Variants in CADM2 observed in about 807,000 individuals in gnomAD.
The protein encoded by CADM2 is cell adhesion molecule 2.
CADM2 carries 12 observed loss-of-function variants against 49.8 expected under a neutral mutation model. That is an observed-to-expected ratio of 0.24 (90% CI 0.15 to 0.39). The LOEUF (loss-of-function observed/expected upper bound fraction) is 0.39, where lower values mean the gene tolerates loss of function less well. CADM2 is among the 10% of genes least tolerant of loss of function. The probability of loss-of-function intolerance (pLI) is 1.00; values close to 1 mark genes in which losing one functional copy is unlikely to be tolerated. For missense variants in CADM2, 378 were observed against 492.3 expected (o/e 0.77, Z 2.20); for synonymous variants, 214 against 175.4 (o/e 1.22, Z -1.74).
At chr3:85,177,798 G>A (rs2040823844) in intron 1 of CADM2, among the ~76,000 whole-genome samples, 1 of 151,794 alleles carries the variant, frequency 6.6e-6, no homozygotes, top group Non-Finnish European at 1.5e-5. Context: ...AGTGTATCAT[G>A]CCATATCTTC....
intron 3 of CADM2, among the ~76,000 whole-genome samples, chr3:85,825,570 A>G (rs1403006669): frequency 6.6e-6 from 1 of 152,066 alleles, no homozygotes; most frequent in African/African-American, 2.4e-5. Flanking sequence ...TGTAGCCCAT[A>G]TAGAGTGCAG....
At chr3:85,196,892 G>A (rs1376340950) in intron 1 of CADM2, among the ~76,000 whole-genome samples, 1 of 151,924 alleles carries the variant, frequency 6.6e-6, no homozygotes, top group African/African-American at 2.4e-5. Context: ...TTCCCTGGTA[G>A]AAATCAGTTA....
At chr3:85,795,183 A>T (rs557672557) in intron 2 of CADM2, among the ~76,000 whole-genome samples, 28 of 152,206 alleles carry the variant, frequency 1.8e-4, no homozygotes, top group Middle Eastern at 3.4e-3. Flanking sequence ...GTAGCATACT[A>T]ATTTTGCTAA....
At chr3:85,490,045 C>G (rs1009508604) in intron 1 of CADM2, among the ~76,000 whole-genome samples, 2 of 130,326 alleles carry the variant, frequency 1.5e-5, no homozygotes, top group African/African-American at 3.0e-5. Context: ...ATTAGAAATG[C>G]CTTCAATTAT....
chr3:85,909,004 G>A (rs1172542735), intron 5 of CADM2, among the ~76,000 whole-genome samples: 1 of 152,090 alleles, frequency 6.6e-6, no homozygotes, highest in Admixed American at 6.5e-5. Flanking sequence ...GATTACAGGC[G>A]TGAGCCACCA....
chr3:85,602,953 G>T (rs1553748720), intron 1 of CADM2, among the ~76,000 whole-genome samples: 1 of 151,390 alleles, frequency 6.6e-6, no homozygotes, highest in Admixed American at 6.6e-5. Flanking sequence ...TGCTTTTTTG[G>T]TGGTTTTTCT....
intron 1 of CADM2, among the ~76,000 whole-genome samples, chr3:85,354,619 A>AGAGAGAGAGAGAGAGG (rs2031691703): frequency 3.9e-4 from 3 of 7,774 alleles, no homozygotes; most frequent in Admixed American, 4.0e-3. Flanking sequence ...AATACCTAAC[A>AGAGAGAGAGAGAGAGG]GAGAGAGAGA....
At chr3:85,432,975 A>C (rs2036752400) in intron 1 of CADM2, among the ~76,000 whole-genome samples, 1 of 152,108 alleles carries the variant, frequency 6.6e-6, no homozygotes, top group Admixed American at 6.6e-5. Flanking sequence ...TTTGAGAAAA[A>C]AAATACAACA....
chr3:86,070,198 A>G lies in CADM2; in HGVS notation c.*3415A>G, dbSNP rs1739734284. 1 of 151,970 alleles carries G rather than the reference A, an allele frequency of 6.6e-6. No individual in the cohort carries two copies. The highest frequency in any genetic ancestry group is 2.4e-5 in the African/African-American group (1 of 41,446). 9.4% of individuals were successfully genotyped at this position (151,970 alleles called of 1,614,324 possible). On this transcript the variant is annotated 3_prime_UTR_variant, in exon 10 of 10. Coordinates refer to ENST00000383699, the MANE Select transcript of CADM2 (RefSeq NM_001167675.2). ...AAAACTAACTTTCCTAAATATGGCA[A>G]AGAAACTAACACCTCATTTATTTTT...
chr3:85,293,378 A>G (rs2043859317), intron 1 of CADM2, among the ~76,000 whole-genome samples: 2 of 149,954 alleles, frequency 1.3e-5, no homozygotes, highest in South Asian at 2.1e-4. Context: ...AACTGGTACC[A>G]TTCCTTCTGA....
chr3:85,137,354 G>A (rs761039763), intron 1 of CADM2, among the ~76,000 whole-genome samples: 3 of 151,714 alleles, frequency 2.0e-5, no homozygotes, highest in African/African-American at 7.3e-5. Flanking sequence ...TATTTTTGCA[G>A]GTCCGTGGTG....
At chr3:85,864,778 A>G (rs536895260) in intron 3 of CADM2, among the ~76,000 whole-genome samples, 2 of 152,312 alleles carry the variant, frequency 1.3e-5, no homozygotes, top group East Asian at 1.9e-4. Flanking sequence ...TCTTAAACAC[A>G]CTTTAGATTA....
rs61755733 is a variant in CADM2 at position 85,802,195 on chromosome 3, A to G, written c.237A>G (p.Lys79=). 610 of 1,604,318 alleles carry G rather than the reference A, an allele frequency of 3.8e-4. No homozygotes were observed. The highest frequency in any genetic ancestry group is 4.5e-4 in the Non-Finnish European group (533 of 1,175,974). ...AGACTCTGTACTTTGACGACAAGAAAGGTGAATACATTTTCTTTCAAATGT... is the reference window on the plus strand; with the variant it reads ...AGACTCTGTACTTTGACGACAAGAAGGGTGAATACATTTTCTTTCAAATGT... ...AQQTLYFDDK[K]ALRDNRIELV... The change falls in exon 3 of 10, where the codon AAA becomes AAG. Residue 79 remains lysine, a splice_region_variant and synonymous_variant. Coordinates refer to ENST00000383699, the MANE Select transcript of CADM2 (RefSeq NM_001167675.2).
At chr3:85,305,041 C>A (rs1299570799) in intron 1 of CADM2, among the ~76,000 whole-genome samples, 2 of 151,488 alleles carry the variant, frequency 1.3e-5, no homozygotes, top group Non-Finnish European at 3.0e-5. Context: ...ATTTTTACAT[C>A]CATTATTTAT....
rs556052933 is a variant in CADM2, at chr3:85,364,975, T to C, written c.62-361547T>C. ...AGCATTGGAAAATGGCACGATGTTATTTTTCACATCCTAATGCAAACATGG... is the reference window on the plus strand; with the variant it reads ...AGCATTGGAAAATGGCACGATGTTACTTTTCACATCCTAATGCAAACATGG... On this transcript the variant is annotated intron_variant, in intron 1 of 9. Coordinates refer to ENST00000383699, the MANE Select transcript of CADM2 (RefSeq NM_001167675.2). 5.9e-5 allele frequency among the ~76,000 whole-genome samples: 9 copies of C among 152,310 alleles called. No homozygotes were observed. In the South Asian group the frequency reaches 1.9e-3, roughly 32 times the overall value.
At chr3:85,363,874 G>T (rs1463817831) in intron 1 of CADM2, among the ~76,000 whole-genome samples, 1 of 151,374 alleles carries the variant, frequency 6.6e-6, no homozygotes, top group East Asian at 1.9e-4. Flanking sequence ...GCCTCCTAAA[G>T]TGCTGGGATT....
chr3:85,921,534 G>A (rs1719115592), intron 6 of CADM2, among the ~76,000 whole-genome samples: 1 of 151,942 alleles, frequency 6.6e-6, no homozygotes, highest in Non-Finnish European at 1.5e-5. Context: ...GATTAGCTGA[G>A]CAGAAAGTAC....
At chr3:85,806,432 AC>A (rs982562430) in intron 3 of CADM2, among the ~76,000 whole-genome samples, 5 of 152,154 alleles carry the variant, frequency 3.3e-5, no homozygotes, top group Non-Finnish European at 5.9e-5. Context: ...CTGGCTATGA[AC>A]GAGAAATTCA....
At chr3:85,286,667 T>G (rs747783561) in intron 1 of CADM2, among the ~76,000 whole-genome samples, 3 of 152,136 alleles carry the variant, frequency 2.0e-5, no homozygotes, top group Non-Finnish European at 4.4e-5. Context: ...AACTTTGTAG[T>G]TTTAAAGAAA....
Sources: allele counts gnomAD v4.1 joint callset (sites outside exome capture counted in the v4.1 genomes callset), GRCh38; gene constraint gnomAD v4.1.1; transcripts MANE v1.5; gene names NCBI Gene and HGNC (gene_info 2026-07-23, HGNC 2026-07-21).